NCF4: variants seen among roughly 807,000 people sequenced by gnomAD.
The protein encoded by NCF4 is neutrophil cytosolic factor 4.
A neutral mutation model predicts 41.7 loss-of-function variants in NCF4; 30 were observed. The ratio of observed to expected loss-of-function variants is 0.72; its 90% CI spans 0.54 to 0.97. The LOEUF (loss-of-function observed/expected upper bound fraction) is 0.97. Ranked by LOEUF, NCF4 falls within the 50% of genes least tolerant of loss-of-function variation. The pLI, the probability that NCF4 is intolerant of heterozygous loss-of-function variation, is 0.00. For missense variants in NCF4, 432 were observed against 460.9 expected, an observed-to-expected ratio of 0.94 and a Z score of 0.57; for synonymous variants, 195 against 175.8, an observed-to-expected ratio of 1.11 and a Z score of -0.87.
chr22:36,870,342 C>A, intron 4 of NCF4, 73 bp from the exon 5 acceptor site: 1 of 1,604,740 alleles, frequency 6.2e-7, no homozygotes, highest in Non-Finnish European at 8.5e-7. Context: ...GGCTCGGGGA[C>A]GGGACATCTA....
chr22:36,876,907 C>T (rs760120989), intron 9 of NCF4, among the ~76,000 whole-genome samples: 3 of 152,194 alleles, frequency 2.0e-5, no homozygotes, highest in African/African-American at 4.8e-5. Context: ...TCAATTTCTA[C>T]GTACACCAGC....
At chr22:36,875,864 G>C (rs201017117) in intron 8 of NCF4, 81 bp downstream of exon 8, 2 of 1,614,030 alleles carry the variant, frequency 1.2e-6, no homozygotes, top group African/African-American at 1.3e-5. Flanking sequence ...CCTTCTCATG[G>C]GTCCCTCTCC....
At chr22:36,877,333 C>T (rs1465687683) in intron 9 of NCF4, among the ~76,000 whole-genome samples, 1 of 152,106 alleles carries the variant, frequency 6.6e-6, no homozygotes, top group Non-Finnish European at 1.5e-5. Flanking sequence ...GACAGGGTTT[C>T]ACCATGTTGG....
intron 1 of NCF4, among the ~76,000 whole-genome samples, chr22:36,861,835 C>T (rs1050286790): frequency 5.9e-5 from 9 of 152,172 alleles, no homozygotes; most frequent in African/African-American, 1.9e-4. Context: ...CCCTATTGAG[C>T]ACCAGGACCA....
intron 9 of NCF4, 101 bp downstream of exon 9, chr22:36,876,195 T>G: frequency 1.2e-5 from 14 of 1,202,040 alleles, no homozygotes; most frequent in South Asian, 1.6e-5. Flanking sequence ...GTTTTGCGTG[T>G]ACTTTGTCTT....
chr22:36,871,581 T>A, intron 5 of NCF4, 71 bp from the exon 6 acceptor site: 1 of 1,512,300 alleles, frequency 6.6e-7, no homozygotes, highest in Non-Finnish European at 9.0e-7. Flanking sequence ...GGGGCTCCTC[T>A]GGACACAGGA....
At chr22:36,864,656 A>G (rs957327590) in intron 2 of NCF4, among the ~76,000 whole-genome samples, 5 of 151,236 alleles carry the variant, frequency 3.3e-5, no homozygotes, top group Admixed American at 6.6e-5. Flanking sequence ...GCCTATTTCC[A>G]AGGGCTCTTG....
intron 7 of NCF4, among the ~76,000 whole-genome samples, chr22:36,874,804 CTAGAG>C (rs1940156761): frequency 6.6e-6 from 1 of 152,208 alleles, no homozygotes; most frequent in Non-Finnish European, 1.5e-5. Flanking sequence ...GCTACTTGGT[CTAGAG>C]TAGAGGCACA....
chr22:36,866,328 A>G (rs1939926016), intron 3 of NCF4, among the ~76,000 whole-genome samples: 1 of 151,546 alleles, frequency 6.6e-6, no homozygotes, highest in Admixed American at 6.6e-5. Context: ...GCCAAGCCTC[A>G]TCTTCACACC....
chr22:36,865,145 C>T lies in NCF4; in HGVS notation c.271+73C>T. The T allele has an allele frequency of 6.3e-7, 1 of 1,579,612 alleles. No homozygotes were observed. The highest frequency in any genetic ancestry group is 1.3e-5 in the African/African-American group (1 of 74,496). On this transcript the variant is annotated intron_variant, in intron 3 of 9. Transcript: ENST00000248899. This position sits in a 1 kb window ranked among gnomAD's most constrained non-coding sequence, Gnocchi z 4.3. ...TCCTTCCAGGGCCCCTGACACTGTT[C>T]TGTGATTTGATCTCAACCCCAGTGA...
chr22:36,867,533 C>T, intron 4 of NCF4, 71 bp downstream of exon 4: 2 of 1,525,030 alleles, frequency 1.3e-6, no homozygotes, highest in Non-Finnish European at 1.8e-6. Context: ...CACGTACCAT[C>T]CCTGGGTATG....
At position 36,875,516 on chromosome 22, in the gene NCF4, T is replaced by A. The variant is rs1228671225; in HGVS notation, c.628-137T>A. 3 of 795,128 alleles carry A rather than the reference T, an allele frequency of 3.8e-6. No homozygotes were observed. In the African/African-American group the frequency reaches 5.1e-5, roughly 14 times the overall value. The allele number at this position is 795,128 out of a possible 1,614,324, so 49.3% of individuals were successfully genotyped here. On this transcript the variant is annotated intron_variant, in intron 7 of 9. Transcript: ENST00000248899. ...TGACCAGCTCAGCGAACTTCCTCGC[T>A]TTCCCTCCTCCCTCTACAGAAGAAG... is the stretch of plus-strand genomic sequence containing the variant.
chr22:36,870,268 T>A, intron 4 of NCF4, 147 bp from the exon 5 acceptor site: 1 of 1,195,634 alleles, frequency 8.4e-7, no homozygotes, highest in Non-Finnish European at 1.2e-6. Flanking sequence ...TTCTTATTCT[T>A]TTAAACAACG....
intron 5 of NCF4, among the ~76,000 whole-genome samples, chr22:36,871,076 C>T (rs2145717566): frequency 6.6e-6 from 1 of 152,342 alleles, no homozygotes; most frequent in African/African-American, 2.4e-5. Context: ...CAGGTTGCTG[C>T]TACTAAGAAT....
At chr22:36,877,556 C>G (rs769244159) in intron 9 of NCF4, 72 bp from the exon 10 acceptor site, 1 of 1,537,998 alleles carries the variant, frequency 6.5e-7, no homozygotes. Flanking sequence ...GACATAAAAC[C>G]CTTTTCACCC....
At chr22:36,867,749 T>C (rs766716275) in intron 4 of NCF4, among the ~76,000 whole-genome samples, 3 of 152,208 alleles carry the variant, frequency 2.0e-5, no homozygotes, top group South Asian at 4.2e-4. Context: ...ATGCCAGGAG[T>C]TAAAATACAA....
intron 5 of NCF4, among the ~76,000 whole-genome samples, chr22:36,870,762 G>A (rs997647068): frequency 9.2e-5 from 14 of 152,186 alleles, no homozygotes; most frequent in African/African-American, 3.4e-4. Context: ...ATTGGAAGAC[G>A]AGGACTGGGA....
chr22:36,870,218 G>A (rs550801652), intron 4 of NCF4, 197 bp from the exon 5 acceptor site: 9 of 757,100 alleles, frequency 1.2e-5, no homozygotes, highest in East Asian at 2.7e-5. Context: ...TTGGACCCAG[G>A]AGCAGAGCTT....
At position 36,865,621 on chromosome 22, in the gene NCF4, C is replaced by T. The variant is rs1240215489; in HGVS notation, c.271+549C>T. On this transcript the variant is annotated intron_variant, in intron 3 of 9. Transcript: ENST00000248899. This position sits in a 1 kb window ranked among gnomAD's most constrained non-coding sequence, Gnocchi z 4.3. ...CTTCCTCCCCAGCTGGATCCTAACG[C>T]GCACCTTGGACAGCGCCAAGCCCTT... Among the ~76,000 whole-genome samples the T allele has an allele frequency of 1.3e-5, 2 of 152,116 alleles. No individual in the cohort carries two copies. The highest frequency in any genetic ancestry group is 2.9e-5 in the Non-Finnish European group (2 of 68,012).
Sources: gnomAD v4.1 joint callset for allele counts (sites outside exome capture counted in the v4.1 genomes callset) on GRCh38, gnomAD v4.1.1 for gene constraint, Gnocchi (gnomAD v3.1) non-coding constraint, MANE v1.5 for transcripts, NCBI Gene and HGNC (gene_info 2026-07-23, HGNC 2026-07-21) for gene names.